The following KIF23 variants were observed in gnomAD, a reference collection of about 807,000 sequenced individuals.
KIF23 encodes the protein kinesin-like protein KIF23.
A neutral mutation model predicts 137.5 loss-of-function variants in KIF23; 30 were observed. The observed-to-expected ratio is 0.22, with a 90% CI of 0.16 to 0.30. The LOEUF is 0.30. Ranked by LOEUF, KIF23 falls within the 10% of genes least tolerant of loss-of-function variation. The pLI is 1.00. For synonymous variants in KIF23, 367 were observed against 391.1 expected (o/e 0.94, Z 0.73); for missense variants, 920 against 1,194.3 (o/e 0.77, Z 3.38).
In KIF23 at chr15:69,446,104, C is replaced by CA; in HGVS notation, c.2756+18dup. 2 of 1,604,246 alleles carry CA rather than the reference C, an allele frequency of 1.2e-6. No individual in the cohort carries two copies. Among genetic ancestry groups the CA allele is most frequent in the Non-Finnish European group, 1.7e-6 (2 of 1,171,236 alleles). On this transcript the variant is annotated intron_variant, in intron 21 of 23. Coordinates refer to ENST00000679126, the MANE Select transcript of KIF23 (RefSeq NM_001367805.3). The stretch of plus-strand genomic sequence containing the variant: ...AATCACCAAATGGGTAAGTAACCAT[C>CA]AAAAATCTCTGTATAAAAGTTGGTC...
chr15:69,427,334 G>A (rs989562080), intron 10 of KIF23: 11 of 454,114 alleles, frequency 2.4e-5, no homozygotes, highest in African/African-American at 4.0e-5. Context: ...GTATGTAGGC[G>A]ATGACATTAA....
Position 69,436,622 on chromosome 15 carries a change from T to A in KIF23, c.1497T>A (p.Ile499=), listed in dbSNP as rs2057488596. 1.2e-6 allele frequency: 2 copies of A among 1,612,732 alleles called. No individual in the cohort carries two copies. Among genetic ancestry groups the A allele is most frequent in the African/African-American group, 2.7e-5 (2 of 74,888 alleles). ...TTCCACCTTTGCCATCATGCGAAAT[T>A]TTGGATATCAACGATGAGCAGACAC... is the stretch of plus-strand genomic sequence containing the variant. The part of the protein sequence containing the change: ...QSFPPLPSCE[I]LDINDEQTLP... Residue 499 remains isoleucine, a synonymous_variant, in exon 15 of 24, where the codon ATT becomes ATA. Transcript: ENST00000679126.
intron 10 of KIF23, among the ~76,000 whole-genome samples, chr15:69,426,959 T>C (rs2057210943): frequency 2.0e-5 from 3 of 152,074 alleles, no homozygotes; most frequent in Admixed American, 2.0e-4. Flanking sequence ...GTATTAGATA[T>C]TATAAGTACT....
Position 69,438,484 on chromosome 15 carries a change from C to T in KIF23, c.1755+79C>T, listed in dbSNP as rs1035637644. On this transcript the variant is annotated intron_variant, in intron 16 of 23. Coordinates refer to ENST00000679126, the MANE Select transcript of KIF23 (RefSeq NM_001367805.3). ...CTCTGAGGGAGATATTGTGCTCCAA[C>T]GGCCTGTAAATGCTGCTTATTAAGA... 36 of 1,342,456 alleles carry T rather than the reference C, an allele frequency of 2.7e-5. No homozygotes were observed. In the East Asian group the frequency reaches 2.9e-4, roughly 11 times the overall value. 83.2% of individuals were successfully genotyped at this position (1,342,456 alleles called of 1,614,324 possible).
At chr15:69,430,094 C>T (rs888718259) in intron 11 of KIF23, among the ~76,000 whole-genome samples, 1 of 152,032 alleles carries the variant, frequency 6.6e-6, no homozygotes, top group African/African-American at 2.4e-5. Flanking sequence ...TATTTCAATA[C>T]TTATTAGTGG....
chr15:69,434,757 G>T, intron 11 of KIF23: 1 of 1,193,260 alleles, frequency 8.4e-7, no homozygotes, highest in Admixed American at 1.8e-5. Flanking sequence ...GACTGGGCAG[G>T]AGGCCATAAA....
intron 11 of KIF23, among the ~76,000 whole-genome samples, chr15:69,431,910 C>T (rs1292018124): frequency 6.6e-6 from 1 of 152,216 alleles, no homozygotes; most frequent in East Asian, 1.9e-4. Flanking sequence ...AGAGCTGCCT[C>T]TACCCTGGCC....
intron 7 of KIF23, among the ~76,000 whole-genome samples, chr15:69,423,898 A>G (rs1018455602): frequency 2.0e-5 from 3 of 152,208 alleles, no homozygotes; most frequent in Admixed American, 6.6e-5. Flanking sequence ...CACAAATGAT[A>G]AATCTGCATT....
chr15:69,424,912 T>C (rs1212223961), intron 7 of KIF23, among the ~76,000 whole-genome samples: 2 of 152,258 alleles, frequency 1.3e-5, no homozygotes, highest in Non-Finnish European at 2.9e-5. Flanking sequence ...TATGCTCGTG[T>C]GCCAACTTTT....
intron 11 of KIF23, among the ~76,000 whole-genome samples, chr15:69,430,487 GAGT>G (rs1368162547): frequency 6.6e-6 from 1 of 152,198 alleles, no homozygotes; most frequent in African/African-American, 2.4e-5. Flanking sequence ...TAGATTGTTT[GAGT>G]AGAGTATGAT....
intron 7 of KIF23, 127 bp downstream of exon 7, chr15:69,423,456 T>C: frequency 5.0e-6 from 3 of 605,364 alleles, no homozygotes; most frequent in East Asian, 6.5e-5. Flanking sequence ...TGAAATGATA[T>C]AATTTGTATA....
At chr15:69,414,575 GCAGCGCGGA>G (rs1447651253) in intron 1 of KIF23, 99 bp downstream of exon 1, 15 of 1,244,010 alleles carry the variant, frequency 1.2e-5, no homozygotes, top group Middle Eastern at 6.0e-4. Context: ...CCGTACGCGG[GCAGCGCGGA>G]CAGCATCCCG....
chr15:69,436,076 A>G (rs2057470573), intron 13 of KIF23, 62 bp from the exon 14 acceptor site: 3 of 1,576,542 alleles, frequency 1.9e-6, no homozygotes, highest in Non-Finnish European at 2.6e-6. Flanking sequence ...TGCTTCATTT[A>G]GTAATTTCTG....
chr15:69,441,006 A>G lies in KIF23; in HGVS notation c.2348A>G (p.Tyr783Cys). ...CIVSDRRRGM[Y>C]WTEGREVVPT... ...GTGTCAGACAGAAGGCGAGGGATGT[A>G]CTGGACTGAAGGCAGGGAGGTGGTT... The change falls in exon 19 of 24, where the codon TAC becomes TGC. Residue 783 changes from tyrosine to cysteine, a missense_variant. By Grantham distance (194) the Tyr-to-Cys change is radical. Around this residue, in one of 4 missense-constraint regions of KIF23, gnomAD observed 714 missense variants for 866.2 expected, o/e 0.82. Coordinates refer to ENST00000679126, the MANE Select transcript of KIF23 (RefSeq NM_001367805.3). The G allele has an allele frequency of 1.2e-6, 2 of 1,614,214 alleles. No homozygotes were observed. Among genetic ancestry groups the G allele is most frequent in the Non-Finnish European group, 1.7e-6 (2 of 1,180,022 alleles).
Position 69,444,561 on chromosome 15 carries a change from T to C in KIF23, c.2422-229T>C. ...GCAGCATTACCAGAATTTTTTCTTT[T>C]ATCCTTTATTGAAAGGGAAACTCCC... On this transcript the variant is annotated intron_variant, in intron 19 of 23. Coordinates refer to ENST00000679126, the MANE Select transcript of KIF23 (RefSeq NM_001367805.3). The surrounding 1 kb of genome is among the most constrained non-coding windows in gnomAD (Gnocchi z 4.2). The C allele has an allele frequency of 2.0e-6, 1 of 494,756 alleles. No homozygotes were observed. The highest frequency in any genetic ancestry group is 2.0e-5 in the African/African-American group (1 of 51,040). The allele number at this position is 494,756 out of a possible 1,614,324, so 30.6% of individuals were successfully genotyped here.
intron 15 of KIF23, among the ~76,000 whole-genome samples, chr15:69,437,401 T>C (rs971635451): frequency 6.6e-6 from 1 of 151,936 alleles, no homozygotes; most frequent in Non-Finnish European, 1.5e-5. Flanking sequence ...GAAAATCCTG[T>C]AGAACAGTAA....
At chr15:69,416,963 A>AAATAAATG (rs1484677974) in intron 2 of KIF23, among the ~76,000 whole-genome samples, 6 of 151,750 alleles carry the variant, frequency 4.0e-5, no homozygotes, top group Middle Eastern at 3.4e-3. Context: ...ATAAATAAAT[A>AAATAAATG]AATAAAAATG....
chr15:69,415,316 TGA>T (rs1389572615), intron 1 of KIF23, among the ~76,000 whole-genome samples: 1 of 152,234 alleles, frequency 6.6e-6, no homozygotes, highest in East Asian at 1.9e-4. Context: ...GTGTTTCATC[TGA>T]GAATATGTTT....
Position 69,416,018 on chromosome 15 carries a change from T to C in KIF23, c.36T>C (p.Pro12=). ...GGAGAGCTAAGACACCCCGGAAACC[T>C]ACCGTGAAAAAAGGGTCCCAAACGA... The part of the protein sequence containing the change: ...KSARAKTPRK[P]TVKKGSQTNL... The change falls in exon 2 of 24, where the codon CCT becomes CCC. Residue 12 remains proline, a synonymous_variant. Transcript: ENST00000679126. The C allele has an allele frequency of 6.3e-7, 1 of 1,579,502 alleles. No individual in the cohort carries two copies. The highest frequency in any genetic ancestry group is 2.3e-5 in the East Asian group (1 of 43,708).
Sources: allele counts gnomAD v4.1 joint callset (sites outside exome capture counted in the v4.1 genomes callset), GRCh38; gene constraint gnomAD v4.1.1; regional missense constraint gnomAD v4.1.1; non-coding constraint Gnocchi (gnomAD v3.1); transcripts MANE v1.5; gene names NCBI Gene and HGNC (gene_info 2026-07-23, HGNC 2026-07-21).